Variants in KCNH5 observed in about 807,000 individuals in gnomAD.
The protein encoded by KCNH5 is voltage-gated delayed rectifier potassium channel KCNH5.
A neutral mutation model predicts 96.1 loss-of-function variants in KCNH5; 46 were observed. The observed-to-expected ratio is 0.48, with a 90% CI of 0.38 to 0.61. The LOEUF (loss-of-function observed/expected upper bound fraction) is 0.61, where lower values mean the gene tolerates loss of function less well. Among genes scored for constraint, KCNH5 ranks in the 20% least tolerant of loss-of-function variants. The probability of loss-of-function intolerance (pLI) is 0.00; values close to 1 mark genes in which losing one functional copy is unlikely to be tolerated. For missense variants in KCNH5, 907 were observed against 1,225.8 expected, an observed-to-expected ratio of 0.74 and a Z score of 3.88; for synonymous variants, 439 against 449.8, an observed-to-expected ratio of 0.98 and a Z score of 0.30.
At chr14:62,905,962 C>T (rs528430279) in intron 7 of KCNH5, among the ~76,000 whole-genome samples, 3 of 152,330 alleles carry the variant, frequency 2.0e-5, no homozygotes, top group African/African-American at 7.2e-5. Context: ...CACCCTAACT[C>T]TCCCATAGGT....
At position 62,818,103 on chromosome 14, in the gene KCNH5, T is replaced by TGG. The variant is rs71120236; in HGVS notation, c.1570-15524_1570-15523dup. Reference sequence around the variant, plus strand: ...AGGGTAAAGGGTGGCTACCAGGAGCTGGGGGCGGGGGGGGGGTGGAAGAAA... The same window carrying TGG: ...AGGGTAAAGGGTGGCTACCAGGAGCTGGGGGGGCGGGGGGGGGGTGGAAGAAA... On this transcript the variant is annotated intron_variant, in intron 8 of 10. Coordinates refer to ENST00000322893, the MANE Select transcript of KCNH5 (RefSeq NM_139318.5). Among the ~76,000 whole-genome samples, 175 of 39,806 alleles carry TGG rather than the reference T, an allele frequency of 4.4e-3. 2 individuals carry two copies. Among genetic ancestry groups the TGG allele is most frequent in the South Asian group, 0.015 (8 of 540 alleles). 26.1% of individuals were successfully genotyped at this position (39,806 alleles called of 152,430 possible).
intron 6 of KCNH5, among the ~76,000 whole-genome samples, chr14:62,967,701 A>C (rs1890329355): frequency 6.6e-6 from 1 of 152,184 alleles, no homozygotes; most frequent in Non-Finnish European, 1.5e-5. Context: ...GCAGAGTAAC[A>C]AAACTATGAT....
intron 8 of KCNH5, among the ~76,000 whole-genome samples, chr14:62,837,603 A>G (rs1887489859): frequency 2.0e-5 from 3 of 152,230 alleles, no homozygotes; most frequent in African/African-American, 7.2e-5. Context: ...TGAAGCATTA[A>G]TCCTTAATAG....
chr14:62,759,548 G>A (rs973777944), intron 10 of KCNH5, among the ~76,000 whole-genome samples: 1 of 151,010 alleles, frequency 6.6e-6, no homozygotes, highest in African/African-American at 2.4e-5. Flanking sequence ...TCATAAAGCT[G>A]GTTTACCCTC....
At chr14:62,727,414 G>A (rs1322436181) in intron 10 of KCNH5, among the ~76,000 whole-genome samples, 1 of 152,112 alleles carries the variant, frequency 6.6e-6, no homozygotes, top group Non-Finnish European at 1.5e-5. Flanking sequence ...GGAGTGTGTA[G>A]TGAATGCAAC....
chr14:62,826,879 T>G (rs1887238904), intron 8 of KCNH5, among the ~76,000 whole-genome samples: 1 of 151,866 alleles, frequency 6.6e-6, no homozygotes, highest in Non-Finnish European at 1.5e-5. Context: ...TTTTCATGTT[T>G]AAGGAATTTA....
intron 9 of KCNH5, among the ~76,000 whole-genome samples, chr14:62,798,820 A>C: frequency 6.6e-6 from 1 of 152,192 alleles, no homozygotes. Context: ...GAGACTGTTT[A>C]GTGGCAAGAA....
At chr14:62,993,050 GC>G (rs1890841156) in intron 4 of KCNH5, among the ~76,000 whole-genome samples, 1 of 151,972 alleles carries the variant, frequency 6.6e-6, no homozygotes, top group African/African-American at 2.4e-5. Context: ...AATTATCCCA[GC>G]ACCAGTTATT....
chr14:63,019,412 TCTA>T (rs1891385752), intron 1 of KCNH5, among the ~76,000 whole-genome samples: 1 of 152,062 alleles, frequency 6.6e-6, no homozygotes, highest in South Asian at 2.1e-4. Flanking sequence ...AGAACAAAGT[TCTA>T]CTATAGTAAT....
chr14:62,812,767 G>T (rs968469083), intron 8 of KCNH5, among the ~76,000 whole-genome samples: 5 of 151,940 alleles, frequency 3.3e-5, no homozygotes, highest in Admixed American at 1.3e-4. Context: ...AAATCATAGA[G>T]GAAAAAACTC....
chr14:62,790,258 C>T (rs750168752), intron 9 of KCNH5, among the ~76,000 whole-genome samples: 15 of 151,632 alleles, frequency 9.9e-5, no homozygotes, highest in East Asian at 1.9e-4. Flanking sequence ...TCTACTGCTC[C>T]GTGTTTCTTT....
intron 7 of KCNH5, among the ~76,000 whole-genome samples, chr14:62,924,477 C>T (rs1289483451): frequency 3.3e-5 from 5 of 151,892 alleles, no homozygotes; most frequent in Admixed American, 6.6e-5. Flanking sequence ...GGGTACTTAT[C>T]GAAAAGACAT....
At chr14:62,857,525 A>G (rs1047637192) in intron 7 of KCNH5, among the ~76,000 whole-genome samples, 7 of 152,186 alleles carry the variant, frequency 4.6e-5, no homozygotes, top group African/African-American at 1.7e-4. Context: ...AGGTCCCACA[A>G]TAGGCCATCT....
chr14:62,771,349 A>G (rs138213053), intron 10 of KCNH5, among the ~76,000 whole-genome samples: 1,775 of 152,274 alleles, frequency 0.012, 31 homozygotes, highest in African/African-American at 0.04. Flanking sequence ...AGTCTAGGCC[A>G]GGCGCGGTGG....
At chr14:62,824,933 A>G (rs901863991) in intron 8 of KCNH5, among the ~76,000 whole-genome samples, 2 of 152,082 alleles carry the variant, frequency 1.3e-5, no homozygotes, top group Non-Finnish European at 2.9e-5. Flanking sequence ...TGCAAAGGAC[A>G]CGATTTCATT....
At chr14:62,910,363 G>A (rs1385211815) in intron 7 of KCNH5, among the ~76,000 whole-genome samples, 2 of 152,008 alleles carry the variant, frequency 1.3e-5, no homozygotes, top group Admixed American at 6.6e-5. Context: ...ATTTTACGGG[G>A]TGTCCTAGAA....
At chr14:62,887,576 T>C (rs759869239) in intron 7 of KCNH5, among the ~76,000 whole-genome samples, 1 of 152,042 alleles carries the variant, frequency 6.6e-6, no homozygotes, top group East Asian at 1.9e-4. Flanking sequence ...CATTGAGTAT[T>C]ATACAAGATT....
chr14:62,735,332 G>A (rs565313341), intron 10 of KCNH5, among the ~76,000 whole-genome samples: 1 of 152,178 alleles, frequency 6.6e-6, no homozygotes, highest in African/African-American at 2.4e-5. Context: ...CTGGTTATAG[G>A]GCAAAGCAGG....
At chr14:62,795,564 A>C (rs372980973) in intron 9 of KCNH5, among the ~76,000 whole-genome samples, 1 of 152,154 alleles carries the variant, frequency 6.6e-6, no homozygotes, top group Non-Finnish European at 1.5e-5. Context: ...CATTTTACGT[A>C]AGGGACTTCA....
Sources: allele counts gnomAD v4.1 joint callset (sites outside exome capture counted in the v4.1 genomes callset), GRCh38; gene constraint gnomAD v4.1.1; transcripts MANE v1.5; gene names NCBI Gene and HGNC (gene_info 2026-07-23, HGNC 2026-07-21).